WDR72: variants seen among roughly 807,000 people sequenced by gnomAD.
WDR72 encodes the protein WD repeat-containing protein 72.
Under a neutral mutation model 124.2 loss-of-function variants are expected in WDR72, and 120 were observed. The observed-to-expected ratio is 0.97, with a 90% CI of 0.83 to 1.12. The LOEUF is 1.12. Ranked by LOEUF, WDR72 falls within the 50% of genes most tolerant of loss-of-function variation. WDR72 has a pLI of 0.00. For missense variants in WDR72, 1,387 were observed against 1,278.8 expected, an observed-to-expected ratio of 1.08 and a Z score of -1.29; for synonymous variants, 452 against 441.7, an observed-to-expected ratio of 1.02 and a Z score of -0.29.
chr15:53,584,516 A>T (rs892242859), intron 18 of WDR72, among the ~76,000 whole-genome samples: 6 of 144,722 alleles, frequency 4.1e-5, no homozygotes, highest in South Asian at 2.1e-4. Flanking sequence ...AAAACAATTT[A>T]AAAAATTAAG....
intron 14 of WDR72, among the ~76,000 whole-genome samples, chr15:53,664,408 C>T (rs2015709280): frequency 6.6e-6 from 1 of 152,138 alleles, no homozygotes; most frequent in Non-Finnish European, 1.5e-5. Flanking sequence ...AATCAGTCCT[C>T]TAAACCTAAA....
intron 18 of WDR72, among the ~76,000 whole-genome samples, chr15:53,572,462 T>G (rs1179538299): frequency 5.3e-5 from 8 of 152,150 alleles, no homozygotes; most frequent in African/African-American, 1.7e-4. Flanking sequence ...TGAAAGCTTA[T>G]GTTTTCGAAG....
chr15:53,632,058 C>G (rs1238208915), intron 14 of WDR72, among the ~76,000 whole-genome samples: 1 of 152,112 alleles, frequency 6.6e-6, no homozygotes, highest in Non-Finnish European at 1.5e-5. Context: ...GAGGCAAGTA[C>G]TAATAACCAA....
At chr15:53,570,309 A>G (rs1894468972) in intron 18 of WDR72, among the ~76,000 whole-genome samples, 1 of 151,648 alleles carries the variant, frequency 6.6e-6, no homozygotes, top group East Asian at 1.9e-4. Context: ...ACCTCTTCAC[A>G]ATTTTCAAGA....
chr15:53,645,430 T>C (rs1006018182), intron 14 of WDR72, among the ~76,000 whole-genome samples: 1 of 152,162 alleles, frequency 6.6e-6, no homozygotes, highest in African/African-American at 2.4e-5. Flanking sequence ...TTTTTAATTA[T>C]AGGTTTTGTG....
intron 14 of WDR72, among the ~76,000 whole-genome samples, chr15:53,647,344 C>T (rs2015078942): frequency 6.6e-6 from 1 of 151,824 alleles, no homozygotes; most frequent in Non-Finnish European, 1.5e-5. Flanking sequence ...ATTATTTTTG[C>T]CTTTAATAAA....
intron 14 of WDR72, among the ~76,000 whole-genome samples, chr15:53,631,458 C>G (rs899312916): frequency 3.9e-5 from 6 of 152,102 alleles, no homozygotes; most frequent in Admixed American, 3.9e-4. Context: ...AGAAAATTGT[C>G]ACTGAGGAGT....
intron 16 of WDR72, among the ~76,000 whole-genome samples, chr15:53,611,945 C>T (rs1211312386): frequency 1.3e-5 from 2 of 152,082 alleles, no homozygotes; most frequent in African/African-American, 2.4e-5. Context: ...TCATTCAGGT[C>T]ACCCCATCCT....
intron 18 of WDR72, among the ~76,000 whole-genome samples, chr15:53,555,894 A>G (rs1167648014): frequency 6.6e-6 from 1 of 152,154 alleles, no homozygotes; most frequent in Non-Finnish European, 1.5e-5. Flanking sequence ...CAAAATAAAG[A>G]AAGACAAAAG....
chr15:53,587,065 T>C (rs1296822767), intron 18 of WDR72, among the ~76,000 whole-genome samples: 3 of 152,116 alleles, frequency 2.0e-5, no homozygotes, highest in African/African-American at 4.8e-5. Context: ...AGAGACACTT[T>C]ATTGGCATTT....
chr15:53,732,515 T>C (rs2018231874), intron 2 of WDR72, among the ~76,000 whole-genome samples: 1 of 152,118 alleles, frequency 6.6e-6, no homozygotes, highest in African/African-American at 2.4e-5. Context: ...ATTTAGAGCA[T>C]TTTGATGTGA....
intron 2 of WDR72, among the ~76,000 whole-genome samples, chr15:53,725,497 T>C (rs886331913): frequency 6.6e-6 from 1 of 152,184 alleles, no homozygotes; most frequent in Non-Finnish European, 1.5e-5. Flanking sequence ...CACACAAAAA[T>C]CTGTACACAA....
chr15:53,715,235 A>C lies in WDR72; in HGVS notation c.472T>G (p.Trp158Gly). The C allele has an allele frequency of 1.2e-6, 2 of 1,614,180 alleles. No homozygotes were observed. The highest frequency in any genetic ancestry group is 1.7e-6 in the Non-Finnish European group (2 of 1,180,016). The change falls in exon 5 of 20, where the codon TGG becomes GGG. Residue 158 changes from tryptophan (W) to glycine (G), a missense_variant. Physicochemically the swap from Trp to Gly is radical, Grantham distance 184. Coordinates refer to ENST00000360509, the MANE Select transcript of WDR72 (RefSeq NM_182758.4). ...HSFRSSQFPD[W>G]INCMCIVHSM... Reference sequence around the variant, plus strand: ...TGAACAATGCACATGCAGTTGATCCAGTCAGGAAACTGAGATGATCTAAAA... The same window carrying C: ...TGAACAATGCACATGCAGTTGATCCCGTCAGGAAACTGAGATGATCTAAAA...
chr15:53,605,332 C>T (rs1320331428), intron 17 of WDR72, among the ~76,000 whole-genome samples: 1 of 152,094 alleles, frequency 6.6e-6, no homozygotes, highest in African/African-American at 2.4e-5. Context: ...TACACTGCAA[C>T]CTACTGAAGA....
At chr15:53,597,051 A>G (rs750427149) in intron 18 of WDR72, 28 bp downstream of exon 18, 3 of 1,609,118 alleles carry the variant, frequency 1.9e-6, no homozygotes, top group Non-Finnish European at 1.7e-6. Flanking sequence ...TTCTGTTGAA[A>G]GAGTATACCA....
chr15:53,649,874 A>T (rs2015170869), intron 14 of WDR72, among the ~76,000 whole-genome samples: 2 of 152,134 alleles, frequency 1.3e-5, no homozygotes, highest in Admixed American at 1.3e-4. Context: ...CTGCTATGAA[A>T]AACAGCATGG....
intron 18 of WDR72, among the ~76,000 whole-genome samples, chr15:53,590,620 A>T (rs2140329964): frequency 6.6e-6 from 1 of 152,116 alleles, no homozygotes; most frequent in South Asian, 2.1e-4. Context: ...GGTAATTGGG[A>T]AGCAATGTAA....
At chr15:53,691,282 C>T (rs929565439) in intron 13 of WDR72, among the ~76,000 whole-genome samples, 2 of 152,148 alleles carry the variant, frequency 1.3e-5, no homozygotes, top group Non-Finnish European at 2.9e-5. Context: ...AACTCCTGGA[C>T]TCAAGTGATC....
rs755808546 is a variant in WDR72 at position 53,702,128 on chromosome 15, T to C, written c.1569+6A>G. 2 of 1,607,576 alleles carry C rather than the reference T, an allele frequency of 1.2e-6. No individual in the cohort carries two copies. The highest frequency in any genetic ancestry group is 2.2e-5 in the East Asian group (1 of 44,750). ...TTTAGATGTTATATTTTACTCTTCG[T>C]CTTACTTTAAACTTCTCTGGTGACA... On this transcript the variant is annotated splice_donor_region_variant and intron_variant, in intron 12 of 19. Coordinates refer to ENST00000360509, the MANE Select transcript of WDR72 (RefSeq NM_182758.4).
Sources: gnomAD v4.1 joint callset for allele counts (sites outside exome capture counted in the v4.1 genomes callset) on GRCh38, gnomAD v4.1.1 for gene constraint, MANE v1.5 for transcripts, NCBI Gene and HGNC (gene_info 2026-07-23, HGNC 2026-07-21) for gene names.